The following PRPF18 variants were observed in gnomAD, a reference collection of about 807,000 sequenced individuals.
PRPF18 encodes pre-mRNA processing factor 18.
Under a neutral mutation model 46.5 loss-of-function variants are expected in PRPF18, and 38 were observed. The observed-to-expected ratio is 0.82, with a 90% CI of 0.63 to 1.07. The LOEUF (loss-of-function observed/expected upper bound fraction) is 1.07, where lower values mean the gene tolerates loss of function less well. PRPF18 is among the 50% of genes least tolerant of loss of function. The probability of loss-of-function intolerance (pLI) is 0.00; values close to 1 mark genes in which losing one functional copy is unlikely to be tolerated. For synonymous variants in PRPF18, 152 were observed against 146.7 expected (o/e 1.04, Z -0.26); for missense variants, 263 against 410.0 (o/e 0.64, Z 3.10).
At chr10:13,612,896 G>A (rs998927160) in intron 6 of PRPF18, among the ~76,000 whole-genome samples, 10 of 152,088 alleles carry the variant, frequency 6.6e-5, no homozygotes, top group African/African-American at 2.4e-4. Context: ...CTCTTTAGTG[G>A]TCTAGATAGA....
chr10:13,593,001 C>T (rs1402250555), intron 1 of PRPF18, among the ~76,000 whole-genome samples: 1 of 152,128 alleles, frequency 6.6e-6, no homozygotes, highest in Non-Finnish European at 1.5e-5. Flanking sequence ...GACAAATACA[C>T]TAAAACCAAA....
At chr10:13,600,446 G>A (rs1053469218) in intron 3 of PRPF18, 98 bp downstream of exon 3, 106 of 846,044 alleles carry the variant, frequency 1.3e-4, no homozygotes, top group East Asian at 1.8e-4. Context: ...TATTTCCTGC[G>A]TAAAATGACT....
chr10:13,638,994 G>A, the PRPF18 span: 3 of 152,178 alleles, frequency 2.0e-5, no homozygotes, highest in Non-Finnish European at 4.4e-5. Context: ...CAAACTTCTT[G>A]ACCTTCAAAA....
chr10:13,652,657 AAGT>A, the PRPF18 span, among the ~76,000 whole-genome samples: 2 of 152,160 alleles, frequency 1.3e-5, no homozygotes, highest in Non-Finnish European at 2.9e-5. Context: ...ACAGCCCAAG[AAGT>A]AGGAGCAGAC....
In PRPF18 at chr10:13,630,212, A is replaced by G. The variant is rs113227121; in HGVS notation, c.949-48A>G. The G allele has an allele frequency of 2.5e-4, 364 of 1,437,244 alleles. 1 individual carries two copies. In the African/African-American group the frequency reaches 4.6e-3, roughly 18 times the overall value. 89.0% of individuals were successfully genotyped at this position (1,437,244 alleles called of 1,614,324 possible). ...CGAGTTCAGAGGAAGGCAGTTAAGA[A>G]TAATTTAACCATGTCATAACCAACC... On this transcript the variant is annotated intron_variant, in intron 9 of 9. Transcript: ENST00000378572.
At chr10:13,615,895 G>A (rs1009684237) in intron 8 of PRPF18, among the ~76,000 whole-genome samples, 2 of 152,190 alleles carry the variant, frequency 1.3e-5, no homozygotes, top group African/African-American at 4.8e-5. Context: ...TAAAGACCCT[G>A]TGTGGTCGTC....
At chr10:13,616,794 T>A (rs866154286) in intron 9 of PRPF18, among the ~76,000 whole-genome samples, 1 of 151,500 alleles carries the variant, frequency 6.6e-6, no homozygotes, top group African/African-American at 2.4e-5. Flanking sequence ...ACCTTAGCAC[T>A]GAAATAAAAT....
intron 1 of PRPF18, among the ~76,000 whole-genome samples, chr10:13,593,063 C>T (rs182871556): frequency 2.0e-4 from 31 of 152,146 alleles, no homozygotes; most frequent in Admixed American, 1.4e-3. Flanking sequence ...GATATCCATA[C>T]GGAAATAATA....
intron 3 of PRPF18, among the ~76,000 whole-genome samples, chr10:13,602,045 TTGTG>T: frequency 1.3e-5 from 2 of 152,336 alleles, no homozygotes. Flanking sequence ...TAATTTTTGA[TTGTG>T]TGGAATTGTC....
At chr10:13,614,578 G>A (rs1360864742) in intron 8 of PRPF18, among the ~76,000 whole-genome samples, 9 of 152,212 alleles carry the variant, frequency 5.9e-5, no homozygotes, top group African/African-American at 2.2e-4. Context: ...GTTCAAGCAA[G>A]GCTTCCAGGA....
At chr10:13,636,412 G>T in the PRPF18 span, among the ~76,000 whole-genome samples, 1 of 152,134 alleles carries the variant, frequency 6.6e-6, no homozygotes, top group African/African-American at 2.4e-5. Context: ...GAGTGAGACC[G>T]TGTCTCAAAA....
the PRPF18 span, chr10:13,655,347 A>T: frequency 6.6e-6 from 1 of 152,102 alleles, no homozygotes. Context: ...TGTTGGAGAT[A>T]TTTACAAAAC....
chr10:13,598,052 C>T (rs4750389), intron 2 of PRPF18, among the ~76,000 whole-genome samples: 23,191 of 151,960 alleles, frequency 0.15, 2,186 homozygotes, highest in Middle Eastern at 0.23. Context: ...AGTATAAAGC[C>T]GTATATATTT....
intron 5 of PRPF18, 87 bp downstream of exon 5, chr10:13,610,272 C>A: frequency 7.1e-7 from 1 of 1,403,482 alleles, no homozygotes; most frequent in Non-Finnish European, 9.7e-7. Context: ...TTGTTGAGGG[C>A]AGAGCACACT....
At chr10:13,655,765 A>ATTCT in the PRPF18 span, 4 of 152,012 alleles carry the variant, frequency 2.6e-5, 1 homozygote, top group African/African-American at 7.2e-5. Context: ...CTCTCATTTT[A>ATTCT]TTCTTACCTC....
intron 2 of PRPF18, among the ~76,000 whole-genome samples, chr10:13,599,771 G>A (rs2080080478): frequency 6.6e-6 from 1 of 152,200 alleles, no homozygotes; most frequent in Non-Finnish European, 1.5e-5. Context: ...TTGAAAAGCA[G>A]GATAGGAAAA....
At chr10:13,636,147 T>C in the PRPF18 span, among the ~76,000 whole-genome samples, 1 of 152,110 alleles carries the variant, frequency 6.6e-6, no homozygotes, top group East Asian at 1.9e-4. Context: ...TTTGGCTGGG[T>C]GTGGTGGCTC....
At chr10:13,604,717 A>T (rs1015696860) in intron 3 of PRPF18, among the ~76,000 whole-genome samples, 1 of 152,220 alleles carries the variant, frequency 6.6e-6, no homozygotes, top group African/African-American at 2.4e-5. Flanking sequence ...AAACGACCTA[A>T]ACTTTATGGT....
chr10:13,587,481 C>T (rs1004273021), intron 1 of PRPF18, among the ~76,000 whole-genome samples: 2 of 152,224 alleles, frequency 1.3e-5, no homozygotes, highest in Non-Finnish European at 2.9e-5. Flanking sequence ...GAAAAATCCT[C>T]ATCTTCCCAC....
Sources: allele counts gnomAD v4.1 joint callset (sites outside exome capture counted in the v4.1 genomes callset), GRCh38; gene constraint gnomAD v4.1.1; transcripts MANE v1.5; gene names NCBI Gene and HGNC (gene_info 2026-07-23, HGNC 2026-07-21).